RBFOX1: variants seen among roughly 807,000 people sequenced by gnomAD.
RBFOX1 encodes RNA binding protein fox-1 homolog 1.
In RBFOX1, 8 loss-of-function variants were observed where a neutral mutation model predicts 57.7. The observed-to-expected ratio is 0.14, with a 90% CI of 0.08 to 0.25. RBFOX1 has a LOEUF of 0.25. RBFOX1 is among the 10% of genes least tolerant of loss of function. The pLI, the probability that RBFOX1 is intolerant of heterozygous loss-of-function variation, is 1.00. For synonymous variants in RBFOX1, 326 were observed against 222.4 expected (o/e 1.47, Z -4.15); for missense variants, 611 against 548.5 (o/e 1.11, Z -1.14).
intron 4 of RBFOX1, among the ~76,000 whole-genome samples, chr16:7,280,965 C>CTCCT: frequency 9.1e-6 from 1 of 109,388 alleles, no homozygotes; most frequent in Non-Finnish European, 1.8e-5. Flanking sequence ...ACCTCCCTCC[C>CTCCT]TCCCTCCCTC....
intron 4 of RBFOX1, among the ~76,000 whole-genome samples, chr16:7,446,798 A>ATTTTTTT (rs34580591): frequency 2.0e-5 from 1 of 49,016 alleles, no homozygotes; most frequent in Non-Finnish European, 3.5e-5. Flanking sequence ...AGGTCTAGGT[A>ATTTTTTT]TTTTTTTTTT....
chr16:5,358,848 A>C (rs1387554428), intron 1 of RBFOX1, among the ~76,000 whole-genome samples: 1 of 152,168 alleles, frequency 6.6e-6, no homozygotes, highest in African/African-American at 2.4e-5. Flanking sequence ...AAAAAAGTGC[A>C]ATTCAGTCAT....
intron 3 of RBFOX1, among the ~76,000 whole-genome samples, chr16:6,680,216 C>T (rs902048895): frequency 2.7e-5 from 4 of 150,060 alleles, no homozygotes; most frequent in Non-Finnish European, 4.4e-5. Flanking sequence ...AGTAAGTGGT[C>T]GAAGTACAAT....
At chr16:7,374,369 A>G (rs1328953509) in intron 4 of RBFOX1, among the ~76,000 whole-genome samples, 1 of 152,218 alleles carries the variant, frequency 6.6e-6, no homozygotes. Context: ...TGTCCTCCCT[A>G]CAGCATTCCC....
intron 3 of RBFOX1, among the ~76,000 whole-genome samples, chr16:7,040,167 C>T (rs2045719248): frequency 1.3e-5 from 2 of 151,944 alleles, no homozygotes; most frequent in African/African-American, 2.4e-5. Context: ...ACTACAGGTG[C>T]CCGCCACCAT....
chr16:6,568,490 A>G (rs1038895613), intron 2 of RBFOX1, among the ~76,000 whole-genome samples: 1 of 152,172 alleles, frequency 6.6e-6, no homozygotes, highest in Non-Finnish European at 1.5e-5. Context: ...ATAGTCTTTT[A>G]TAACCCAACC....
intron 3 of RBFOX1, among the ~76,000 whole-genome samples, chr16:5,788,414 A>T (rs2054582095): frequency 6.6e-6 from 1 of 152,116 alleles, no homozygotes. Flanking sequence ...GGATCACCTG[A>T]TCTCAGGAGT....
chr16:6,920,934 C>G (rs539965056), intron 3 of RBFOX1, among the ~76,000 whole-genome samples: 5 of 152,210 alleles, frequency 3.3e-5, no homozygotes, highest in Non-Finnish European at 7.3e-5. Flanking sequence ...TTGCAGGACA[C>G]TATCTGGCTA....
intron 4 of RBFOX1, among the ~76,000 whole-genome samples, chr16:7,303,490 G>A (rs901210659): frequency 1.7e-4 from 26 of 152,356 alleles, no homozygotes; most frequent in African/African-American, 5.3e-4. Flanking sequence ...CCGGGCGCGC[G>A]GGGCGCTCGC....
rs2065598973 is a variant in RBFOX1 at position 7,487,062 on chromosome 16, G to A, written c.28-31085G>A. The stretch of plus-strand genomic sequence containing the variant: ...TTACAGGTACCTGCCATCATGCCCA[G>A]CTAATTTTTGTAATTTTAGTAGAGA... On this transcript the variant is annotated intron_variant, in intron 4 of 15. Transcript: ENST00000550418. 1.3e-5 allele frequency among the ~76,000 whole-genome samples: 2 copies of A among 152,092 alleles called. 1 individual carries two copies. Among genetic ancestry groups the A allele is most frequent in the South Asian group, 4.1e-4 (2 of 4,824 alleles).
intron 1 of RBFOX1, among the ~76,000 whole-genome samples, chr16:5,445,764 A>C (rs1485383398): frequency 6.6e-6 from 1 of 152,240 alleles, no homozygotes; most frequent in Non-Finnish European, 1.5e-5. Flanking sequence ...GATCATTGCC[A>C]CTAAATTTTT....
intron 1 of RBFOX1, among the ~76,000 whole-genome samples, chr16:6,202,558 C>T (rs564773188): frequency 1.3e-5 from 2 of 151,940 alleles, no homozygotes; most frequent in African/African-American, 2.4e-5. Context: ...TAACAGTATC[C>T]CTGTTGGGTC....
At chr16:7,474,170 C>A (rs2062139495) in intron 4 of RBFOX1, among the ~76,000 whole-genome samples, 1 of 152,142 alleles carries the variant, frequency 6.6e-6, no homozygotes, top group Non-Finnish European at 1.5e-5. Flanking sequence ...GCCTGTAGTT[C>A]CAGCTACTCA....
intron 3 of RBFOX1, among the ~76,000 whole-genome samples, chr16:6,737,697 C>G (rs538616005): frequency 1.3e-5 from 2 of 152,090 alleles, no homozygotes; most frequent in Non-Finnish European, 2.9e-5. Flanking sequence ...CAAAATGTCC[C>G]AGAGCCTTAG....
At chr16:6,822,904 C>G (rs8057722) in intron 3 of RBFOX1, among the ~76,000 whole-genome samples, 2 of 152,184 alleles carry the variant, frequency 1.3e-5, no homozygotes, top group Non-Finnish European at 2.9e-5. Context: ...TTAATATTAA[C>G]AAGTGCGTGC....
chr16:6,058,793 T>G (rs2095647601), intron 1 of RBFOX1, among the ~76,000 whole-genome samples: 2 of 150,096 alleles, frequency 1.3e-5, no homozygotes, highest in South Asian at 4.3e-4. Flanking sequence ...ACCAACTAAT[T>G]ATTTACCCAT....
At position 6,252,027 on chromosome 16, in the gene RBFOX1, G is replaced by A. The variant is rs1442528009; in HGVS notation, c.-126-64968G>A. Among the ~76,000 whole-genome samples the A allele has an allele frequency of 3.3e-5, 5 of 152,190 alleles. No homozygotes were observed. In the East Asian group the frequency reaches 9.7e-4, roughly 29 times the overall value. On this transcript the variant is annotated intron_variant, in intron 1 of 15. Coordinates refer to ENST00000550418, the MANE Select transcript of RBFOX1 (RefSeq NM_018723.4). ...AAACTTAGGGTAAAGGAACTCCAGCGAGAATTTTAGGTCTCCTTGCTTGAT... is the reference window on the plus strand; with the variant it reads ...AAACTTAGGGTAAAGGAACTCCAGCAAGAATTTTAGGTCTCCTTGCTTGAT...
chr16:7,664,558 GC>G (rs762155100), intron 12 of RBFOX1, among the ~76,000 whole-genome samples: 1 of 152,112 alleles, frequency 6.6e-6, no homozygotes, highest in Non-Finnish European at 1.5e-5. Context: ...GGGGTAGGGG[GC>G]TATGTGGTTT....
At chr16:7,298,415 A>G (rs1411630954) in intron 4 of RBFOX1, among the ~76,000 whole-genome samples, 2 of 151,408 alleles carry the variant, frequency 1.3e-5, no homozygotes, top group African/African-American at 2.4e-5. Context: ...CTGCCTCCCA[A>G]GTAGCTGGGA....
Sources: allele counts gnomAD v4.1 joint callset (sites outside exome capture counted in the v4.1 genomes callset), GRCh38; gene constraint gnomAD v4.1.1; transcripts MANE v1.5; gene names NCBI Gene and HGNC (gene_info 2026-07-23, HGNC 2026-07-21).